The following PPP4R3B variants were observed in gnomAD, a reference collection of about 807,000 sequenced individuals.
PPP4R3B encodes serine/threonine-protein phosphatase 4 regulatory subunit 3B.
Under a neutral mutation model 95.4 loss-of-function variants are expected in PPP4R3B, and 52 were observed. The ratio of observed to expected loss-of-function variants is 0.54; its 90% CI spans 0.44 to 0.69. The LOEUF is 0.69. PPP4R3B is among the 30% of genes least tolerant of loss of function. PPP4R3B has a pLI of 0.00. For synonymous variants in PPP4R3B, 407 were observed against 343.9 expected, an observed-to-expected ratio of 1.18 and a Z score of -2.03; for missense variants, 1,003 against 1,005.9, an observed-to-expected ratio of 1.00 and a Z score of 0.04.
At chr2:55,600,974 T>C (rs1347871391) in intron 3 of PPP4R3B, among the ~76,000 whole-genome samples, 1 of 151,644 alleles carries the variant, frequency 6.6e-6, no homozygotes, top group Non-Finnish European at 1.5e-5. Flanking sequence ...CTGTGCAACC[T>C]TGTCACTACA....
chr2:55,598,164 G>C (rs549799882), intron 4 of PPP4R3B, among the ~76,000 whole-genome samples: 3 of 152,270 alleles, frequency 2.0e-5, no homozygotes, highest in African/African-American at 7.2e-5. Context: ...AGGTTGCAGT[G>C]AGCTGAGATT....
At chr2:55,575,692 C>G (rs1175839820) in intron 11 of PPP4R3B, among the ~76,000 whole-genome samples, 2 of 152,078 alleles carry the variant, frequency 1.3e-5, no homozygotes, top group African/African-American at 4.8e-5. Flanking sequence ...CCTGCCTCGG[C>G]CTCCCAAAGT....
chr2:55,593,935 G>C (rs1350353460), intron 4 of PPP4R3B, among the ~76,000 whole-genome samples: 1 of 152,084 alleles, frequency 6.6e-6, no homozygotes, highest in African/African-American at 2.4e-5. Context: ...CAGATGATCA[G>C]ACAAAGAAAA....
At chr2:55,576,506 GC>G (rs1220966064) in intron 11 of PPP4R3B, among the ~76,000 whole-genome samples, 3 of 152,024 alleles carry the variant, frequency 2.0e-5, no homozygotes, top group African/African-American at 7.2e-5. Context: ...ACTTTGGGAG[GC>G]CGAGGCGGGT....
intron 12 of PPP4R3B, among the ~76,000 whole-genome samples, chr2:55,571,982 T>C (rs1688064543): frequency 1.3e-5 from 2 of 152,226 alleles, no homozygotes; most frequent in Non-Finnish European, 2.9e-5. Context: ...CAAAAGTATA[T>C]ATATGTTAAC....
At chr2:55,577,406 C>T (rs767069905) in intron 10 of PPP4R3B, 50 bp from the exon 11 acceptor site, 5 of 1,369,128 alleles carry the variant, frequency 3.7e-6, no homozygotes, top group Middle Eastern at 2.7e-4. Context: ...AATAATATCC[C>T]AGATTTCCCT....
rs1267579005 is a variant in PPP4R3B at position 55,548,261 on chromosome 2, G to C, written c.*1650C>G. 2 of 152,554 alleles carry C rather than the reference G, an allele frequency of 1.3e-5. No homozygotes were observed. The highest frequency in any genetic ancestry group is 4.8e-5 in the African/African-American group (2 of 41,422). The allele number at this position is 152,554 out of a possible 1,614,324, so 9.5% of individuals were successfully genotyped here. ...ATTAAAATTGGGGTATGATCTAGCA[G>C]TTTATAATAAATATTTATGGATAAT... On this transcript the variant is annotated 3_prime_UTR_variant, in exon 17 of 17. Transcript: ENST00000616407.
intron 5 of PPP4R3B, among the ~76,000 whole-genome samples, chr2:55,587,468 C>T (rs1690301876): frequency 6.6e-6 from 1 of 152,230 alleles, no homozygotes; most frequent in Non-Finnish European, 1.5e-5. Context: ...CCTGTAATCA[C>T]AGCTACTCAG....
chr2:55,594,210 C>G (rs1691441603), intron 4 of PPP4R3B, among the ~76,000 whole-genome samples: 1 of 151,354 alleles, frequency 6.6e-6, no homozygotes, highest in Admixed American at 6.6e-5. Context: ...TGTTCAATAT[C>G]ACGGTGATGG....
Position 55,587,316 on chromosome 2 carries a change from G to A in PPP4R3B, c.1000-582C>T, listed in dbSNP as rs77847593. 7.5e-3 allele frequency among the ~76,000 whole-genome samples: 1,148 copies of A among 152,346 alleles called. 22 individuals carry two copies. The highest frequency in any genetic ancestry group is 0.026 in the African/African-American group (1,083 of 41,576). On this transcript the variant is annotated intron_variant, in intron 5 of 16. Transcript: ENST00000616407. ...TGATGACATCTGGCGGGGCACAGTG[G>A]CTCACGCCTGTAATCCCAACATTTT...
intron 2 of PPP4R3B, among the ~76,000 whole-genome samples, chr2:55,613,205 A>G (rs1243646898): frequency 6.6e-6 from 1 of 152,126 alleles, no homozygotes; most frequent in Non-Finnish European, 1.5e-5. Flanking sequence ...TAACCCCTAA[A>G]TGGCCCTATG....
At chr2:55,587,554 A>C (rs1322554907) in intron 5 of PPP4R3B, among the ~76,000 whole-genome samples, 1 of 152,262 alleles carries the variant, frequency 6.6e-6, no homozygotes, top group Non-Finnish European at 1.5e-5. Flanking sequence ...ACTGCACTCC[A>C]GTCTGGGCAA....
intron 2 of PPP4R3B, among the ~76,000 whole-genome samples, chr2:55,609,040 G>A (rs1350699707): frequency 6.6e-6 from 1 of 152,148 alleles, no homozygotes; most frequent in Admixed American, 6.5e-5. Flanking sequence ...AGCAGCACTC[G>A]ATGAGGTATT....
intron 11 of PPP4R3B, among the ~76,000 whole-genome samples, chr2:55,575,874 G>A (rs1238712963): frequency 6.6e-6 from 1 of 152,044 alleles, no homozygotes; most frequent in Non-Finnish European, 1.5e-5. Context: ...CAATGCTATT[G>A]GAAATAAATT....
Position 55,588,879 on chromosome 2 carries a change from C to T in PPP4R3B, c.999G>A (p.Leu333=). The change falls in exon 5 of 17, where the codon TTG becomes TTA. Residue 333 remains leucine (L), a splice_region_variant and synonymous_variant. Transcript: ENST00000616407. ...EATDDDKRRE[L]VNFFKEFCAF... ...TAAGAGTTTGAATTTCATAACTTAC[C>T]AATTCACGCCGTTTATCATCATCTG... 1.3e-6 allele frequency: 2 copies of T among 1,599,932 alleles called. No individual in the cohort carries two copies. The highest frequency in any genetic ancestry group is 1.7e-5 in the Admixed American group (1 of 59,254).
At position 55,581,625 on chromosome 2, in the gene PPP4R3B, T is replaced by C; in HGVS notation, c.1307A>G (p.Gln436Arg). 6.2e-7 allele frequency: 1 copy of C among 1,613,788 alleles called. No individual in the cohort carries two copies. Among genetic ancestry groups the C allele is most frequent in the Non-Finnish European group, 8.5e-7 (1 of 1,179,826 alleles). Reference sequence around the variant, plus strand: ...TAGAGTACGAAGAAGTCCCATTAACTGAACAGCGCCTCCTAGCTCAGGATC... The same window carrying C: ...TAGAGTACGAAGAAGTCCCATTAACCGAACAGCGCCTCCTAGCTCAGGATC... The part of the protein sequence containing the change: ...DTDPELGGAV[Q>R]LMGLLRTLID... Residue 436 changes from glutamine to arginine, a missense_variant, in exon 8 of 17, where the codon CAG becomes CGG. Physicochemically the swap from Gln to Arg is conservative, Grantham distance 43. Coordinates refer to ENST00000616407, the MANE Select transcript of PPP4R3B (RefSeq NM_001122964.3).
chr2:55,562,376 C>T (rs2103903750), intron 15 of PPP4R3B, among the ~76,000 whole-genome samples: 1 of 152,260 alleles, frequency 6.6e-6, no homozygotes, highest in Admixed American at 6.5e-5. Context: ...GAGCCGAGAT[C>T]ACGCCACTGC....
chr2:55,605,364 TA>T (rs1240511461), intron 2 of PPP4R3B, among the ~76,000 whole-genome samples: 1 of 152,138 alleles, frequency 6.6e-6, no homozygotes, highest in Non-Finnish European at 1.5e-5. Flanking sequence ...AATACAAAAC[TA>T]AAAATCATCC....
At chr2:55,590,280 T>A (rs937937793) in intron 4 of PPP4R3B, among the ~76,000 whole-genome samples, 3 of 151,926 alleles carry the variant, frequency 2.0e-5, no homozygotes, top group African/African-American at 7.3e-5. Context: ...TGAGCCGAGA[T>A]TGCGCCATTG....
Sources: gnomAD v4.1 joint callset for allele counts (sites outside exome capture counted in the v4.1 genomes callset) on GRCh38, gnomAD v4.1.1 for gene constraint, MANE v1.5 for transcripts, NCBI Gene and HGNC (gene_info 2026-07-23, HGNC 2026-07-21) for gene names.